The following GPD1L variants were observed in gnomAD, a reference collection of about 807,000 sequenced individuals.
GPD1L encodes the protein glycerol-3-phosphate dehydrogenase 1 like.
In GPD1L, 17 loss-of-function variants were observed where a neutral mutation model predicts 32.9. The ratio of observed to expected loss-of-function variants is 0.52; its 90% CI spans 0.35 to 0.78. GPD1L has a LOEUF of 0.78. GPD1L is among the 30% of genes least tolerant of loss of function. The pLI is 0.01. For missense variants in GPD1L, 361 were observed against 447.8 expected (o/e 0.81, Z 1.75); for synonymous variants, 187 against 165.9 (o/e 1.13, Z -0.98).
intron 1 of GPD1L, among the ~76,000 whole-genome samples, chr3:32,111,026 C>T (rs916818780): frequency 2.6e-5 from 4 of 152,114 alleles, no homozygotes; most frequent in Non-Finnish European, 4.4e-5. Context: ...CCACCATGCC[C>T]GGCTAAGTTT....
At chr3:32,133,049 T>C (rs1400541850) in intron 2 of GPD1L, among the ~76,000 whole-genome samples, 2 of 152,208 alleles carry the variant, frequency 1.3e-5, no homozygotes, top group African/African-American at 4.8e-5. Context: ...ATGACACTGC[T>C]ATGTGTTTTA....
At chr3:32,150,777 G>C (rs3898131) in intron 5 of GPD1L, among the ~76,000 whole-genome samples, 55,167 of 152,034 alleles carry the variant, frequency 0.36, 11,586 homozygotes, top group East Asian at 0.88. Flanking sequence ...TACTAAAGAT[G>C]ATTAATGTTA....
chr3:32,160,776 C>T (rs1447734565), intron 7 of GPD1L, among the ~76,000 whole-genome samples: 1 of 152,156 alleles, frequency 6.6e-6, no homozygotes, highest in African/African-American at 2.4e-5. Flanking sequence ...ACCAGAAAAG[C>T]TTCCCAGCCT....
In GPD1L at chr3:32,158,681, G is replaced by A. The variant is rs566211671; in HGVS notation, c.619-195G>A. On this transcript the variant is annotated intron_variant, in intron 5 of 7. Coordinates refer to ENST00000282541, the MANE Select transcript of GPD1L (RefSeq NM_015141.4). ...TATGGGCTCTTTGTCCTAGAAAGGG[G>A]AATATGGAAGCCCTGTCTCTCCTTT... 1,165 of 1,248,588 alleles carry A rather than the reference G, an allele frequency of 9.3e-4. 16 individuals are homozygous for A. The highest frequency in any genetic ancestry group is 8.9e-3 in the South Asian group (582 of 65,302). 77.3% of individuals were successfully genotyped at this position (1,248,588 alleles called of 1,614,324 possible). A position where few individuals can be genotyped will look rare whatever the true frequency, so the allele number is the denominator to read the frequency against.
At chr3:32,140,467 C>T (rs1700727775) in intron 4 of GPD1L, 101 bp downstream of exon 4, 2 of 1,350,728 alleles carry the variant, frequency 1.5e-6, no homozygotes, top group African/African-American at 2.9e-5. Flanking sequence ...TCTTCCCTGT[C>T]CCTCTTAACA....
chr3:32,146,810 G>A (rs1347090825), intron 5 of GPD1L, 76 bp downstream of exon 5: 2 of 854,584 alleles, frequency 2.3e-6, no homozygotes, highest in East Asian at 2.4e-5. Context: ...CTCAAGAATG[G>A]GCTCTGTGTT....
chr3:32,121,781 A>ATAT (rs1700426446), intron 1 of GPD1L, among the ~76,000 whole-genome samples: 1 of 133,714 alleles, frequency 7.5e-6, no homozygotes, highest in Non-Finnish European at 1.5e-5. Flanking sequence ...ATATATATAT[A>ATAT]TTTTTTTTAG....
chr3:32,146,640 A>T lies in GPD1L; in HGVS notation c.524A>T (p.Asn175Ile). ...TCAACAGGCAGCAAAGTAATGGAGA[A>T]CGGCCTTCTCTTCAAAGAACTTCTG... is the stretch of plus-strand genomic sequence containing the variant. Reference protein sequence around the residue: ...ETTIGSKVMENGLLFKELLQT... With the variant: ...ETTIGSKVMEIGLLFKELLQT... The change falls in exon 5 of 8, where the codon AAC becomes ATC. Residue 175 changes from asparagine to isoleucine, a missense_variant. Transcript: ENST00000282541. 6.2e-7 allele frequency: 1 copy of T among 1,610,356 alleles called. No homozygotes were observed. The highest frequency in any genetic ancestry group is 8.5e-7 in the Non-Finnish European group (1 of 1,176,530).
intron 5 of GPD1L, among the ~76,000 whole-genome samples, chr3:32,150,480 T>G (rs758886747): frequency 2.5e-4 from 37 of 150,700 alleles, no homozygotes; most frequent in Non-Finnish European, 5.0e-4. Context: ...AGTCTAGTGG[T>G]CTTTTTTTTC....
chr3:32,153,743 G>A (rs898441729), intron 5 of GPD1L, among the ~76,000 whole-genome samples: 2 of 152,190 alleles, frequency 1.3e-5, no homozygotes, highest in Non-Finnish European at 2.9e-5. Flanking sequence ...GCTGGGTGGT[G>A]AGAATGTTTA....
intron 5 of GPD1L, among the ~76,000 whole-genome samples, chr3:32,154,218 G>A (rs1344289779): frequency 2.6e-5 from 4 of 152,086 alleles, no homozygotes; most frequent in African/African-American, 4.8e-5. Flanking sequence ...CCTGCACTAG[G>A]TCTCCTGATC....
At chr3:32,138,283 T>C (rs1700693385) in intron 2 of GPD1L, among the ~76,000 whole-genome samples, 1 of 152,102 alleles carries the variant, frequency 6.6e-6, no homozygotes, top group Non-Finnish European at 1.5e-5. Context: ...ATGAGGGGGC[T>C]GGTGAGGTGG....
At chr3:32,133,081 T>G (rs1575113120) in intron 2 of GPD1L, among the ~76,000 whole-genome samples, 1 of 152,316 alleles carries the variant, frequency 6.6e-6, no homozygotes, top group East Asian at 1.9e-4. Flanking sequence ...GTCTTGAATC[T>G]GAGTACACAC....
Position 32,168,218 on chromosome 3 carries a change from T to A in GPD1L, c.*2308T>A, listed in dbSNP as rs984370492. The A allele has an allele frequency of 6.6e-6, 1 of 152,616 alleles. No individual in the cohort carries two copies. The highest frequency in any genetic ancestry group is 1.5e-5 in the Non-Finnish European group (1 of 68,044). 9.5% of individuals were successfully genotyped at this position (152,616 alleles called of 1,614,324 possible). A position where few individuals can be genotyped will look rare whatever the true frequency, so the allele number is the denominator to read the frequency against. On this transcript the variant is annotated 3_prime_UTR_variant, in exon 8 of 8. Transcript: ENST00000282541. ...CTGCACATTATGGAAAAAGGTAAAT[T>A]TTAGAAGTTTCTGCTCTACTAACTG...
At chr3:32,110,930 A>G (rs1700235748) in intron 1 of GPD1L, among the ~76,000 whole-genome samples, 2 of 152,224 alleles carry the variant, frequency 1.3e-5, no homozygotes, top group South Asian at 4.1e-4. Flanking sequence ...CAATGGCACC[A>G]TCTTGGCTCA....
Position 32,146,639 on chromosome 3 carries a change from A to G in GPD1L, c.523A>G (p.Asn175Asp). The G allele has an allele frequency of 6.2e-7, 1 of 1,610,128 alleles. No individual in the cohort carries two copies. Among genetic ancestry groups the G allele is most frequent in the Non-Finnish European group, 8.5e-7 (1 of 1,176,318 alleles). Residue 175 changes from asparagine to aspartate, a missense_variant, in exon 5 of 8, where the codon AAC becomes GAC. Physicochemically the swap from Asn to Asp is conservative, Grantham distance 23. Transcript: ENST00000282541. The part of the protein sequence containing the change: ...ETTIGSKVME[N>D]GLLFKELLQT... ...TTCAACAGGCAGCAAAGTAATGGAG[A>G]ACGGCCTTCTCTTCAAAGAACTTCT...
intron 5 of GPD1L, chr3:32,151,453 TA>T (rs577634891): frequency 2.5e-5 from 12 of 470,688 alleles, no homozygotes; most frequent in South Asian, 1.3e-4. Context: ...CATCTTTTTT[TA>T]AAAAAAGGTT....
At chr3:32,110,461 G>C (rs1028870718) in intron 1 of GPD1L, among the ~76,000 whole-genome samples, 6 of 152,250 alleles carry the variant, frequency 3.9e-5, no homozygotes, top group African/African-American at 1.4e-4. Context: ...AGCTTAGCCT[G>C]TTTGTGTAAA....
At chr3:32,163,004 C>T (rs1199694816) in intron 7 of GPD1L, among the ~76,000 whole-genome samples, 1 of 136,688 alleles carries the variant, frequency 7.3e-6, no homozygotes, top group East Asian at 2.4e-4. Flanking sequence ...AGCAATCTGC[C>T]CACCTTGGCT....
Sources: gnomAD v4.1 joint callset for allele counts (sites outside exome capture counted in the v4.1 genomes callset) on GRCh38, gnomAD v4.1.1 for gene constraint, MANE v1.5 for transcripts, NCBI Gene and HGNC (gene_info 2026-07-23, HGNC 2026-07-21) for gene names.